Variants in C4orf50 observed in about 807,000 individuals in gnomAD.
The protein encoded by C4orf50 is uncharacterized protein C4orf50.
C4orf50 carries 80 observed loss-of-function variants against 77.2 expected under a neutral mutation model. The observed-to-expected ratio is 1.04, with a 90% CI of 0.87 to 1.25. C4orf50 has a LOEUF of 1.25. C4orf50 is among the 50% of genes most tolerant of loss of function. The pLI, the probability that C4orf50 is intolerant of heterozygous loss-of-function variation, is 0.00. For synonymous variants in C4orf50, 532 were observed against 465.3 expected (o/e 1.14, Z -1.84); for missense variants, 1,257 against 1,152.9 (o/e 1.09, Z -1.31).
chr4:5,903,979 T>C (rs1716440828), intron 7 of C4orf50: 1 of 152,164 alleles, frequency 6.6e-6, no homozygotes, highest in Non-Finnish European at 1.5e-5. Context: ...GTCTGTAATG[T>C]GATATGGGGC....
At chr4:5,994,676 C>T (rs1721481717) in intron 25 of C4orf50, among the ~76,000 whole-genome samples, 200 bp from the exon 4 acceptor site, 1 of 152,232 alleles carries the variant, frequency 6.6e-6, no homozygotes, top group African/African-American at 2.4e-5. Context: ...GGCCAAACTG[C>T]CCTCTCTTAG....
chr4:5,942,190 C>A (rs1577913537), intron 7 of C4orf50, among the ~76,000 whole-genome samples: 1 of 152,180 alleles, frequency 6.6e-6, no homozygotes, highest in Non-Finnish European at 1.5e-5. Flanking sequence ...TTCCTACATA[C>A]ACAACCCCAG....
At chr4:5,909,043 C>T (rs1265642242) in intron 7 of C4orf50, among the ~76,000 whole-genome samples, 2 of 152,196 alleles carry the variant, frequency 1.3e-5, no homozygotes, top group Non-Finnish European at 2.9e-5. Flanking sequence ...CCACTCTACA[C>T]AGCAGCCAGA....
At chr4:5,973,758 C>A (rs1225416000) in exon 31 of C4orf50, 1 of 1,613,856 alleles carries the variant, frequency 6.2e-7, no homozygotes, top group Non-Finnish European at 8.5e-7. Flanking sequence ...GGTTCCCCAG[C>A]CCATGTCTGT....
At chr4:6,013,779 A>T (rs961817075) in intron 23 of C4orf50, among the ~76,000 whole-genome samples, 1 of 152,176 alleles carries the variant, frequency 6.6e-6, no homozygotes, top group Non-Finnish European at 1.5e-5. Context: ...AGACCAGGAA[A>T]TGGATTTCCC....
At chr4:5,962,122 C>G (rs548551189) in intron 33 of C4orf50, among the ~76,000 whole-genome samples, 2 of 152,312 alleles carry the variant, frequency 1.3e-5, no homozygotes, top group Admixed American at 6.5e-5. Flanking sequence ...TGCCGTGTAC[C>G]TTCCAGAGAA....
intron 28 of C4orf50, 29 bp from the exon 7 acceptor site, chr4:5,980,367 G>T: frequency 6.2e-7 from 1 of 1,600,604 alleles, no homozygotes; most frequent in Non-Finnish European, 8.5e-7. Flanking sequence ...TGAATGAAAT[G>T]TTTAGGTTAT....
intron 31 of C4orf50, among the ~76,000 whole-genome samples, chr4:5,968,892 T>C (rs1233657845): frequency 6.6e-6 from 1 of 152,154 alleles, no homozygotes; most frequent in Non-Finnish European, 1.5e-5. Context: ...GCATTCGGTA[T>C]GTGGTTGGGG....
chr4:5,933,509 CAGACT>C (rs1717857791), intron 7 of C4orf50, among the ~76,000 whole-genome samples: 1 of 152,192 alleles, frequency 6.6e-6, no homozygotes, highest in South Asian at 2.1e-4. Flanking sequence ...TGGTACACAC[CAGACT>C]CCACGCCAGT....
rs909975646 is a variant in C4orf50, at chr4:5,990,882, C to T, written c.1222-58G>A. On this transcript the variant is annotated intron_variant, in intron 27 of 33. Coordinates refer to ENST00000531445, the Ensembl canonical transcript of C4orf50. Reference sequence around the variant, plus strand: ...CAGCCCCTTCCTCCATTTAGCACCCCCACCTCCACTCACCTCCTGGGGTTC... The same window carrying T: ...CAGCCCCTTCCTCCATTTAGCACCCTCACCTCCACTCACCTCCTGGGGTTC... 7.5e-6 allele frequency: 3 copies of T among 398,792 alleles called. No homozygotes were observed. In the Admixed American group the frequency reaches 1.3e-4, roughly 18 times the overall value. 24.7% of individuals were successfully genotyped at this position (398,792 alleles called of 1,614,324 possible). A position where few individuals can be genotyped will look rare whatever the true frequency, so the allele number is the denominator to read the frequency against.
chr4:6,009,880 C>T lies in C4orf50; in HGVS notation c.427-1348G>A, dbSNP rs576636080. 1.3e-5 allele frequency among the ~76,000 whole-genome samples: 2 copies of T among 152,298 alleles called. No homozygotes were observed. Among genetic ancestry groups the T allele is most frequent in the African/African-American group, 2.4e-5 (1 of 41,560 alleles). On this transcript the variant is annotated intron_variant, in intron 24 of 33. Coordinates refer to ENST00000531445, the Ensembl canonical transcript of C4orf50. This position sits in a 1 kb window ranked among gnomAD's most constrained non-coding sequence, Gnocchi z 5.6. Reference sequence around the variant, plus strand: ...TAAGCAATTTCCCTATCACTTTGAACATCTGCCGCCTGTCTGGAAATGGGG... The same window carrying T: ...TAAGCAATTTCCCTATCACTTTGAATATCTGCCGCCTGTCTGGAAATGGGG...
At chr4:5,954,509 A>G (rs1295594218), downstream of C4orf50, among the ~76,000 whole-genome samples, 2 of 152,064 alleles carry the variant, frequency 1.3e-5, no homozygotes, top group Non-Finnish European at 2.9e-5. This position sits in a 1 kb window ranked among gnomAD's most constrained non-coding sequence, Gnocchi z 4.7. Context: ...GGAGAGGAGA[A>G]AAGATGGACT....
intron 29 of C4orf50, 27 bp downstream of exon 7, chr4:5,980,145 CAA>C: frequency 2.6e-6 from 4 of 1,543,508 alleles, no homozygotes; most frequent in Non-Finnish European, 2.6e-6. Flanking sequence ...CCCTGGCTGA[CAA>C]GAGGGGAAAG....
chr4:5,932,599 C>A lies in C4orf50; in HGVS notation c.*2474+24302G>T, dbSNP rs1328125888. 6.6e-6 allele frequency among the ~76,000 whole-genome samples: 1 copy of A among 152,130 alleles called. No homozygotes were observed. The highest frequency in any genetic ancestry group is 1.5e-5 in the Non-Finnish European group (1 of 68,028). ...TACAGGTGCATGCAACCACGCCCAG[C>A]TAATTTTTATTTTTTAATTTTTTAT... is the stretch of plus-strand genomic sequence containing the variant. On this transcript the variant is annotated intron_variant, in intron 7 of 7. Transcript: ENST00000324058. The surrounding 1 kb of genome is among the most constrained non-coding windows in gnomAD (Gnocchi z 4.2).
At chr4:5,953,112 T>C (rs1718800569), downstream of C4orf50, among the ~76,000 whole-genome samples, 1 of 152,082 alleles carries the variant, frequency 6.6e-6, no homozygotes, top group Admixed American at 6.5e-5. Context: ...TTCCTCCTCC[T>C]GCCATAGCAG....
At chr4:5,935,278 C>A (rs1362700480) in intron 7 of C4orf50, among the ~76,000 whole-genome samples, 2 of 152,202 alleles carry the variant, frequency 1.3e-5, no homozygotes, top group Admixed American at 6.5e-5. Flanking sequence ...GGAGCTGGAA[C>A]TGAGCCAAGG....
rs1719854730 is a variant in C4orf50 at position 5,970,625 on chromosome 4, C to T, written c.4104+3034G>A. ...CTGGGGCCAAACCGACTCTGAGGCT[C>T]AATTTCCACCACGCACCCAAACCAG... On this transcript the variant is annotated intron_variant, in intron 31 of 33. Transcript: ENST00000531445. This position sits in a 1 kb window ranked among gnomAD's most constrained non-coding sequence, Gnocchi z 4.3. Among the ~76,000 whole-genome samples the T allele has an allele frequency of 6.6e-6, 1 of 152,208 alleles. No individual in the cohort carries two copies. Among genetic ancestry groups the T allele is most frequent in the African/African-American group, 2.4e-5 (1 of 41,464 alleles).
exon 34 of C4orf50, chr4:5,957,779 G>C (rs1437745379): frequency 1.3e-5 from 2 of 152,174 alleles, no homozygotes; most frequent in South Asian, 4.1e-4. Context: ...CGAATTTAAA[G>C]GGTGGAACTC....
Position 5,970,164 on chromosome 4 carries a change from C to G in C4orf50, c.4105-2702G>C, listed in dbSNP as rs1266575703. ...AAAACACAGGAAAAAAAAAAAAAGG[C>G]CCACTGGGGCTAGGGGTCGGGGGGC... On this transcript the variant is annotated intron_variant, in intron 31 of 33. Coordinates refer to ENST00000531445, the Ensembl canonical transcript of C4orf50. This position sits in a 1 kb window ranked among gnomAD's most constrained non-coding sequence, Gnocchi z 4.3. 6.7e-6 allele frequency among the ~76,000 whole-genome samples: 1 copy of G among 150,240 alleles called. No individual in the cohort carries two copies. Among genetic ancestry groups the G allele is most frequent in the Non-Finnish European group, 1.5e-5 (1 of 67,736 alleles).
Sources: gnomAD v4.1 joint callset for allele counts (sites outside exome capture counted in the v4.1 genomes callset) on GRCh38, gnomAD v4.1.1 for gene constraint, Gnocchi (gnomAD v3.1) non-coding constraint, MANE v1.5 for transcripts, NCBI Gene and HGNC (gene_info 2026-07-23, HGNC 2026-07-21) for gene names.